TOP3A: variants seen among roughly 807,000 people sequenced by gnomAD.
TOP3A encodes DNA topoisomerase III alpha.
TOP3A carries 64 observed loss-of-function variants against 111.3 expected under a neutral mutation model. The ratio of observed to expected loss-of-function variants is 0.57; its 90% CI spans 0.47 to 0.71. TOP3A has a LOEUF of 0.71. Among genes scored for constraint, TOP3A ranks in the 30% least tolerant of loss-of-function variants. TOP3A has a pLI of 0.00. For missense variants in TOP3A, 1,104 were observed against 1,285.0 expected, an observed-to-expected ratio of 0.86 and a Z score of 2.15; for synonymous variants, 484 against 485.1, an observed-to-expected ratio of 1.00 and a Z score of 0.03.
At chr17:18,308,487 T>A in intron 2 of TOP3A, 63 bp from the exon 3 acceptor site, 4 of 1,154,326 alleles carry the variant, frequency 3.5e-6, no homozygotes, top group Non-Finnish European at 5.1e-6. Context: ...TGCCAAATCA[T>A]TAAAATGAGA....
At position 18,278,351 on chromosome 17, in the gene TOP3A, C is replaced by T. The variant is rs775780245; in HGVS notation, c.2151G>A (p.Lys717=). ...VCQPHPVYRL[K]LKFKRGSLPP... is the part of the protein sequence containing the mutation. ...GAAGGCTACCGCGCTTAAACTTTAACTTTAACCTAGTGAGGCCAGAAGATG... is the reference window on the plus strand; with the variant it reads ...GAAGGCTACCGCGCTTAAACTTTAATTTTAACCTAGTGAGGCCAGAAGATG... The change falls in exon 18 of 19, where the codon AAG becomes AAA. Residue 717 remains lysine (K), a synonymous_variant. Coordinates refer to ENST00000321105, the MANE Select transcript of TOP3A (RefSeq NM_004618.5). The T allele has an allele frequency of 6.6e-6, 10 of 1,512,228 alleles. No homozygotes were observed. The highest frequency in any genetic ancestry group is 8.8e-6 in the Non-Finnish European group (10 of 1,130,704). 93.7% of individuals were successfully genotyped at this position (1,512,228 alleles called of 1,614,324 possible).
At position 18,299,558 on chromosome 17, in the gene TOP3A, CCA is replaced by C. The variant is rs1981092405; in HGVS notation, c.989_990del (p.Val330GlyfsTer3). 2 of 1,613,934 alleles carry C rather than the reference CCA, an allele frequency of 1.2e-6. No individual in the cohort carries two copies. Among genetic ancestry groups the C allele is most frequent in the Non-Finnish European group, 1.7e-6 (2 of 1,179,852 alleles). On this transcript the variant is annotated frameshift_variant and splice_region_variant, in exon 9 of 19. Transcript: ENST00000321105. LOFTEE classifies it high-confidence loss of function. ...SKWRPQALDT[V>X]ELEKLASRKL... ...CCTGAAACAGCCTGTCTGGAACATACCACAGTGTCCAAGGCTTGAGGCCGCCA... is the reference window on the plus strand; with the variant it reads ...CCTGAAACAGCCTGTCTGGAACATACCAGTGTCCAAGGCTTGAGGCCGCCA...
intron 8 of TOP3A, among the ~76,000 whole-genome samples, chr17:18,300,713 G>A (rs1981175480): frequency 6.6e-6 from 1 of 151,868 alleles, no homozygotes; most frequent in South Asian, 2.1e-4. Flanking sequence ...GTACCACCAC[G>A]CCCAGCTAAT....
intron 1 of TOP3A, among the ~76,000 whole-genome samples, chr17:18,309,721 T>C (rs1981796235): frequency 6.7e-6 from 1 of 149,192 alleles, no homozygotes; most frequent in Admixed American, 6.6e-5. Context: ...TTTTTTTTTT[T>C]TTTTTTGAGA....
chr17:18,314,073 T>C (rs1226213290), intron 1 of TOP3A, among the ~76,000 whole-genome samples: 4 of 152,042 alleles, frequency 2.6e-5, no homozygotes, highest in African/African-American at 9.7e-5. Context: ...TCAAATCTAA[T>C]CCCCAAACCT....
intron 9 of TOP3A, among the ~76,000 whole-genome samples, chr17:18,297,960 T>C (rs1597976168): frequency 3.7e-5 from 4 of 109,048 alleles, no homozygotes; most frequent in African/African-American, 1.4e-4. Context: ...CCGGCCGCCA[T>C]CCCATCTAGG....
intron 4 of TOP3A, 22 bp downstream of exon 4, chr17:18,306,867 CAT>C (rs745935825): frequency 1.3e-6 from 2 of 1,499,984 alleles, no homozygotes; most frequent in South Asian, 1.1e-5. Flanking sequence ...GACTCAGTGC[CAT>C]ATGTCTTCCA....
Position 18,290,697 on chromosome 17 carries a change from C to T in TOP3A, c.1468-11G>A, listed in dbSNP as rs3817992. ...ATAGACAGGGAGGATCTACAGGGAG[C>T]GGCAGGTGCAACAGTCAGATGATTC... On this transcript the variant is annotated splice_polypyrimidine_tract_variant and intron_variant, in intron 12 of 18. Coordinates refer to ENST00000321105, the MANE Select transcript of TOP3A (RefSeq NM_004618.5). 326 of 1,586,178 alleles carry T rather than the reference C, an allele frequency of 2.1e-4. 2 individuals carry two copies. In the African/African-American group the frequency reaches 3.4e-3, roughly 17 times the overall value.
intron 5 of TOP3A, among the ~76,000 whole-genome samples, chr17:18,303,298 T>C (rs1443173220): frequency 6.6e-6 from 1 of 152,182 alleles, no homozygotes; most frequent in East Asian, 1.9e-4. Flanking sequence ...CTGGGTATTG[T>C]CAAGGTTTCC....
chr17:18,286,547 C>G (rs371614452), intron 13 of TOP3A, among the ~76,000 whole-genome samples: 1 of 151,884 alleles, frequency 6.6e-6, no homozygotes, highest in Admixed American at 6.6e-5. Context: ...ACCAAAAAAA[C>G]CAGTGAAATA....
intron 18 of TOP3A, among the ~76,000 whole-genome samples, chr17:18,275,397 G>T (rs1597950564): frequency 7.2e-6 from 1 of 138,826 alleles, no homozygotes; most frequent in East Asian, 2.2e-4. Flanking sequence ...CTGTCACCCA[G>T]GCTGGAGTGT....
chr17:18,297,258 T>G (rs1980870036), intron 9 of TOP3A, among the ~76,000 whole-genome samples: 1 of 152,196 alleles, frequency 6.6e-6, no homozygotes, highest in Non-Finnish European at 1.5e-5. Context: ...AAACCCTGTC[T>G]CTACTACAAA....
intron 5 of TOP3A, chr17:18,302,953 T>C: frequency 2.1e-6 from 1 of 473,646 alleles, no homozygotes; most frequent in Non-Finnish European, 3.7e-6. Context: ...GAGTTAATTT[T>C]AGCTAGTAAC....
At chr17:18,280,683 T>A in intron 16 of TOP3A, 25 bp from the exon 17 acceptor site, 1 of 1,613,000 alleles carries the variant, frequency 6.2e-7, no homozygotes, top group Non-Finnish European at 8.5e-7. Flanking sequence ...CCATGTCAGA[T>A]GATAGGAGTG....
chr17:18,288,958 C>A (rs1192071203), intron 13 of TOP3A, among the ~76,000 whole-genome samples: 1 of 152,176 alleles, frequency 6.6e-6, no homozygotes, highest in Non-Finnish European at 1.5e-5. Context: ...GCCTTCCGGG[C>A]TCAAGTGATC....
At position 18,277,752 on chromosome 17, in the gene TOP3A, C is replaced by T. The variant is rs1350804476; in HGVS notation, c.2750G>A (p.Arg917His). 1.9e-6 allele frequency: 3 copies of T among 1,614,158 alleles called. No homozygotes were observed. The highest frequency in any genetic ancestry group is 2.2e-5 in the East Asian group (1 of 44,880). ...TVQKDGPNKGRQFHTCAKPRE... is the reference protein window; with the variant it reads ...TVQKDGPNKGHQFHTCAKPRE... ...CGGCTTGGCACATGTGTGGAACTGG[C>T]GCCCCTTGTTGGGTCCATCCTTCTG... Residue 917 changes from arginine to histidine, a missense_variant, in exon 18 of 19, where the codon CGC becomes CAC. Transcript: ENST00000321105.
Position 18,277,745 on chromosome 17 carries a change from G to C in TOP3A, c.2757C>G (p.Phe919Leu), listed in dbSNP as rs531568341. 8.7e-6 allele frequency: 14 copies of C among 1,614,088 alleles called. No homozygotes were observed. The highest frequency in any genetic ancestry group is 1.1e-5 in the Non-Finnish European group (13 of 1,180,036). ...GCTCTCTCGGCTTGGCACATGTGTG[G>C]AACTGGCGCCCCTTGTTGGGTCCAT... ...QKDGPNKGRQ[F>L]HTCAKPREQQ... The change falls in exon 18 of 19, where the codon TTC (phenylalanine) becomes TTG (leucine). Residue 919 changes from phenylalanine (F) to leucine (L), a missense_variant. Physicochemically the swap from Phe to Leu is conservative, Grantham distance 22. Transcript: ENST00000321105.
At chr17:18,300,254 C>T (rs755192838) in intron 8 of TOP3A, among the ~76,000 whole-genome samples, 3 of 152,008 alleles carry the variant, frequency 2.0e-5, no homozygotes, top group South Asian at 2.1e-4. Context: ...ATTAGCTGGG[C>T]GTGGTGGTGC....
At chr17:18,300,335 A>G (rs1981149558) in intron 8 of TOP3A, among the ~76,000 whole-genome samples, 1 of 151,364 alleles carries the variant, frequency 6.6e-6, no homozygotes, top group Admixed American at 6.6e-5. Flanking sequence ...TAGAGGTTGC[A>G]GTGAGCTGAG....
Sources: gnomAD v4.1 joint callset for allele counts (sites outside exome capture counted in the v4.1 genomes callset) on GRCh38, gnomAD v4.1.1 for gene constraint, MANE v1.5 for transcripts, NCBI Gene and HGNC (gene_info 2026-07-23, HGNC 2026-07-21) for gene names.